The following SPAG16 variants were observed in gnomAD, a reference collection of about 807,000 sequenced individuals.
SPAG16 encodes the protein sperm associated antigen 16, also known as sperm-associated antigen 16 protein.
A neutral mutation model predicts 80.4 loss-of-function variants in SPAG16; 86 were observed. The ratio of observed to expected loss-of-function variants is 1.07; its 90% CI spans 0.90 to 1.28. The LOEUF (loss-of-function observed/expected upper bound fraction) is 1.28, where lower values mean the gene tolerates loss of function less well. SPAG16 is among the 50% of genes most tolerant of loss of function. The probability of loss-of-function intolerance (pLI) is 0.00; values close to 1 mark genes in which losing one functional copy is unlikely to be tolerated. For synonymous variants in SPAG16, 294 were observed against 265.9 expected (o/e 1.11, Z -1.03); for missense variants, 870 against 765.3 (o/e 1.14, Z -1.61).
chr2:214,165,873 G>A (rs1023532396), intron 15 of SPAG16, among the ~76,000 whole-genome samples: 7 of 151,964 alleles, frequency 4.6e-5, no homozygotes, highest in Non-Finnish European at 8.8e-5. Context: ...TAGCTTTCTC[G>A]TGAAAAAATG....
chr2:213,954,358 T>A (rs1225752820), intron 12 of SPAG16, among the ~76,000 whole-genome samples: 3 of 152,106 alleles, frequency 2.0e-5, no homozygotes, highest in Admixed American at 2.0e-4. Context: ...CAATAGCTTA[T>A]CCATTTTTAT....
intron 10 of SPAG16, among the ~76,000 whole-genome samples, chr2:213,757,142 C>T (rs1256139957): frequency 6.6e-6 from 1 of 152,064 alleles, no homozygotes; most frequent in Non-Finnish European, 1.5e-5. Flanking sequence ...ATCAAAAATA[C>T]ATAGAAATAT....
intron 1 of SPAG16, among the ~76,000 whole-genome samples, 194 bp from the exon 2 acceptor site, chr2:213,295,870 A>C (rs2062475439): frequency 6.6e-6 from 1 of 152,122 alleles, no homozygotes; most frequent in South Asian, 2.1e-4. Flanking sequence ...AAAAATAATG[A>C]AGTATTTTAT....
At chr2:213,644,458 C>T (rs1396826186) in intron 10 of SPAG16, among the ~76,000 whole-genome samples, 2 of 152,164 alleles carry the variant, frequency 1.3e-5, no homozygotes, top group African/African-American at 4.8e-5. Context: ...TTTTAGTCCT[C>T]ACTGTCTGGG....
At chr2:214,250,747 T>TAGAGAGAGAGAGAG (rs1175910690) in intron 15 of SPAG16, among the ~76,000 whole-genome samples, 8 of 90,420 alleles carry the variant, frequency 8.8e-5, no homozygotes, top group Admixed American at 2.7e-4. Flanking sequence ...TATATATATA[T>TAGAGAGAGAGAGAG]ATATATATAT....
At chr2:213,349,530 A>T (rs1294980182) in intron 6 of SPAG16, among the ~76,000 whole-genome samples, 1 of 152,082 alleles carries the variant, frequency 6.6e-6, no homozygotes. Context: ...CAGCAATTAA[A>T]CTCCTGGGTG....
chr2:213,954,077 C>G (rs1318585972), intron 12 of SPAG16, among the ~76,000 whole-genome samples: 1 of 151,758 alleles, frequency 6.6e-6, no homozygotes, highest in Non-Finnish European at 1.5e-5. Context: ...TTGCTATAAT[C>G]CAATGTTAGA....
intron 10 of SPAG16, among the ~76,000 whole-genome samples, chr2:213,587,283 G>C (rs1163521631): frequency 6.6e-6 from 1 of 152,158 alleles, no homozygotes; most frequent in Non-Finnish European, 1.5e-5. Flanking sequence ...TGCTGTACCT[G>C]GGTCAGCTGG....
At chr2:213,694,055 G>A (rs74440909) in intron 10 of SPAG16, among the ~76,000 whole-genome samples, 3,446 of 139,980 alleles carry the variant, frequency 0.025, 147 homozygotes, top group African/African-American at 0.092. Context: ...AAAAAAAAAA[G>A]AAAAAAGAGA....
At chr2:214,294,171 G>A (rs549634449) in intron 15 of SPAG16, among the ~76,000 whole-genome samples, 1 of 152,324 alleles carries the variant, frequency 6.6e-6, no homozygotes, top group African/African-American at 2.4e-5. Flanking sequence ...GTGCCTCTGC[G>A]CAATCTGTAG....
chr2:213,394,830 T>A (rs1219090552), intron 9 of SPAG16, among the ~76,000 whole-genome samples: 3 of 152,168 alleles, frequency 2.0e-5, no homozygotes, highest in African/African-American at 7.2e-5. Flanking sequence ...TTGGGAGAAT[T>A]CACCAGTGAA....
At chr2:213,366,102 A>C (rs2066268020) in intron 8 of SPAG16, among the ~76,000 whole-genome samples, 2 of 146,906 alleles carry the variant, frequency 1.4e-5, no homozygotes, top group African/African-American at 5.0e-5. Context: ...AGATCCCGCC[A>C]CTGCACTCCA....
At chr2:213,886,974 G>T (rs1364063451) in intron 11 of SPAG16, among the ~76,000 whole-genome samples, 8 of 152,040 alleles carry the variant, frequency 5.3e-5, no homozygotes, top group Non-Finnish European at 7.4e-5. Flanking sequence ...TTTCAGAGCT[G>T]GGAGTTGGAA....
chr2:213,494,463 TC>T (rs2074396823), intron 10 of SPAG16, among the ~76,000 whole-genome samples: 1 of 152,148 alleles, frequency 6.6e-6, no homozygotes, highest in South Asian at 2.1e-4. Context: ...AATTCCTCAT[TC>T]CCTCACCCTG....
chr2:214,252,195 A>G (rs1690339612), intron 15 of SPAG16, among the ~76,000 whole-genome samples: 1 of 152,138 alleles, frequency 6.6e-6, no homozygotes, highest in Admixed American at 6.6e-5. Flanking sequence ...ATGATGGTAT[A>G]AAGAACACTG....
chr2:213,654,577 T>A (rs1287376944), intron 10 of SPAG16, among the ~76,000 whole-genome samples: 7 of 126,086 alleles, frequency 5.6e-5, no homozygotes, highest in Admixed American at 8.5e-5. Context: ...ATTAGCCGGG[T>A]GTGGTGGTGG....
chr2:214,105,911 G>A (rs1421472797), intron 13 of SPAG16, among the ~76,000 whole-genome samples: 1 of 152,042 alleles, frequency 6.6e-6, no homozygotes, highest in Admixed American at 6.6e-5. Flanking sequence ...TTATCTTCGA[G>A]TCAGGTTTTG....
chr2:213,702,959 T>C (rs1478778362), intron 10 of SPAG16, among the ~76,000 whole-genome samples: 3 of 152,150 alleles, frequency 2.0e-5, no homozygotes, highest in African/African-American at 7.2e-5. Context: ...GCTCTACCCT[T>C]CTATGTGGGA....
chr2:214,330,085 G>T (rs1696799613), intron 15 of SPAG16, among the ~76,000 whole-genome samples: 1 of 148,612 alleles, frequency 6.7e-6, no homozygotes, highest in Non-Finnish European at 1.5e-5. Context: ...TGGCCAACAT[G>T]ATGAAACCCT....
Sources: allele counts gnomAD v4.1 joint callset (sites outside exome capture counted in the v4.1 genomes callset), GRCh38; gene constraint gnomAD v4.1.1; transcripts MANE v1.5; gene names NCBI Gene and HGNC (gene_info 2026-07-23, HGNC 2026-07-21).